THSD4: variants seen among roughly 807,000 people sequenced by gnomAD.
THSD4 encodes thrombospondin type 1 domain containing 4.
Under a neutral mutation model 119.0 loss-of-function variants are expected in THSD4, and 69 were observed. The observed-to-expected ratio is 0.58, with a 90% CI of 0.48 to 0.71. The LOEUF (loss-of-function observed/expected upper bound fraction) is 0.71, where lower values mean the gene tolerates loss of function less well. Among genes scored for constraint, THSD4 ranks in the 30% least tolerant of loss-of-function variants. The pLI, the probability that THSD4 is intolerant of heterozygous loss-of-function variation, is 0.00. For missense variants in THSD4, 1,393 were observed against 1,391.1 expected (o/e 1.00, Z -0.02); for synonymous variants, 524 against 540.4 (o/e 0.97, Z 0.42).
intron 6 of THSD4, among the ~76,000 whole-genome samples, chr15:71,344,474 T>C (rs1161428790): frequency 6.6e-6 from 1 of 152,140 alleles, no homozygotes; most frequent in African/African-American, 2.4e-5. Context: ...TTCCACCTTA[T>C]GGAGCATTGA....
chr15:71,620,623 A>AC (rs2050403641), intron 7 of THSD4, among the ~76,000 whole-genome samples: 1 of 152,148 alleles, frequency 6.6e-6, no homozygotes, highest in African/African-American at 2.4e-5. Context: ...AGCTGAAGCA[A>AC]CCTTATTAAT....
chr15:71,124,563 T>C (rs2040436580), intron 1 of THSD4, among the ~76,000 whole-genome samples: 1 of 152,194 alleles, frequency 6.6e-6, no homozygotes, highest in South Asian at 2.1e-4. Context: ...AATTCACAAG[T>C]TCTGTCAAAA....
chr15:71,584,888 A>G (rs1046584148), intron 7 of THSD4, among the ~76,000 whole-genome samples: 8 of 152,156 alleles, frequency 5.3e-5, no homozygotes, highest in South Asian at 2.1e-4. Flanking sequence ...CATGATTTCC[A>G]TGAGGCTTAC....
chr15:71,327,500 T>C (rs968391072), intron 6 of THSD4, among the ~76,000 whole-genome samples: 1 of 152,188 alleles, frequency 6.6e-6, no homozygotes, highest in Non-Finnish European at 1.5e-5. Context: ...ATGTATAATA[T>C]TTATTTTGTC....
At chr15:71,638,884 A>G (rs2050801579) in intron 7 of THSD4, among the ~76,000 whole-genome samples, 1 of 152,222 alleles carries the variant, frequency 6.6e-6, no homozygotes, top group Admixed American at 6.5e-5. Flanking sequence ...ATAAAGAGTC[A>G]GCAAGGACCC....
At chr15:71,214,155 T>G (rs2140249079) in intron 3 of THSD4, among the ~76,000 whole-genome samples, 2 of 150,232 alleles carry the variant, frequency 1.3e-5, no homozygotes, top group Admixed American at 1.3e-4. Context: ...CAATCAGCAC[T>G]CTGTAAAATG....
intron 7 of THSD4, among the ~76,000 whole-genome samples, chr15:71,604,398 C>T (rs572088052): frequency 3.3e-5 from 5 of 152,286 alleles, no homozygotes; most frequent in African/African-American, 4.8e-5. Flanking sequence ...ACAGTTTTAT[C>T]GTAATCCTTC....
intron 7 of THSD4, among the ~76,000 whole-genome samples, chr15:71,614,394 A>G (rs959589770): frequency 9.2e-5 from 14 of 152,106 alleles, no homozygotes; most frequent in Non-Finnish European, 1.9e-4. Flanking sequence ...CTCCTGACTG[A>G]GAGGATGCTA....
chr15:71,592,577 C>T (rs1227882439), intron 7 of THSD4, among the ~76,000 whole-genome samples: 1 of 151,792 alleles, frequency 6.6e-6, no homozygotes, highest in African/African-American at 2.4e-5. Context: ...ACGTGGTGAT[C>T]GGGTTCCCAG....
intron 3 of THSD4, among the ~76,000 whole-genome samples, chr15:71,200,256 C>T (rs1158060342): frequency 6.6e-6 from 1 of 152,152 alleles, no homozygotes; most frequent in Non-Finnish European, 1.5e-5. Context: ...TCTGCAGCTT[C>T]TCTGACTTTG....
intron 7 of THSD4, among the ~76,000 whole-genome samples, chr15:71,444,137 T>C (rs1026743615): frequency 6.6e-6 from 1 of 152,190 alleles, no homozygotes; most frequent in East Asian, 1.9e-4. Flanking sequence ...AAGTGCTTAA[T>C]AAATGCATGA....
At chr15:71,122,260 C>T (rs573432600) in intron 1 of THSD4, among the ~76,000 whole-genome samples, 1 of 152,208 alleles carries the variant, frequency 6.6e-6, no homozygotes, top group Non-Finnish European at 1.5e-5. Flanking sequence ...TTATTTAATC[C>T]TCTCAACAAC....
intron 7 of THSD4, among the ~76,000 whole-genome samples, chr15:71,459,999 G>A (rs1421458851): frequency 6.6e-6 from 1 of 151,988 alleles, no homozygotes; most frequent in Non-Finnish European, 1.5e-5. Flanking sequence ...TCTACCTCTG[G>A]GCCTGTCTCT....
At chr15:71,548,416 G>A (rs2048873106) in intron 7 of THSD4, among the ~76,000 whole-genome samples, 2 of 152,364 alleles carry the variant, frequency 1.3e-5, no homozygotes, top group Admixed American at 6.5e-5. Context: ...GACCAAGCAG[G>A]CTCTGAAAGC....
Position 71,557,611 on chromosome 15 carries a change from C to T in THSD4, c.1153-102919C>T, listed in dbSNP as rs570947444. Among the ~76,000 whole-genome samples, 4 of 152,120 alleles carry T rather than the reference C, an allele frequency of 2.6e-5. No individual in the cohort carries two copies. The South Asian group carries it at 8.3e-4, about 32-fold the overall frequency. ...CTGGCTAAGCCTGATGTGTTTTTCC[C>T]CCACAGGGAAATTTTAAACCACCAG... On this transcript the variant is annotated intron_variant, in intron 7 of 17. Coordinates refer to ENST00000261862, the MANE Select transcript of THSD4 (RefSeq NM_024817.3).
At position 71,777,459 on chromosome 15, in the gene THSD4, C is replaced by G. The variant is rs566878026; in HGVS notation, c.*85C>G. On this transcript the variant is annotated 3_prime_UTR_variant, in exon 18 of 18. Transcript: ENST00000261862. ...CGCCTGGCTGGCTGCTGCTCCACCA[C>G]GGGCCCCCTGGCCCAGGCGCTGCCA... 2.6e-6 allele frequency: 4 copies of G among 1,516,462 alleles called. No homozygotes were observed. The highest frequency in any genetic ancestry group is 2.4e-5 in the East Asian group (1 of 40,902). The allele number at this position is 1,516,462 out of a possible 1,614,324, so 93.9% of individuals were successfully genotyped here.
intron 6 of THSD4, among the ~76,000 whole-genome samples, chr15:71,367,154 T>A (rs2045975951): frequency 1.3e-5 from 2 of 152,172 alleles, no homozygotes; most frequent in Non-Finnish European, 2.9e-5. Context: ...AACACCCAGT[T>A]ACACAAGGTT....
intron 8 of THSD4, among the ~76,000 whole-genome samples, chr15:71,687,840 T>C (rs2051950311): frequency 1.3e-5 from 2 of 151,790 alleles, no homozygotes; most frequent in Admixed American, 1.3e-4. Context: ...AATGCAAATA[T>C]TTGGAAATTA....
intron 7 of THSD4, chr15:71,547,888 C>T (rs1402863280): frequency 6.5e-6 from 1 of 153,680 alleles, no homozygotes; most frequent in African/African-American, 2.4e-5. Flanking sequence ...TGCTTTTCTT[C>T]CCTGCTTTTG....
Sources: gnomAD v4.1 joint callset for allele counts (sites outside exome capture counted in the v4.1 genomes callset) on GRCh38, gnomAD v4.1.1 for gene constraint, MANE v1.5 for transcripts, NCBI Gene and HGNC (gene_info 2026-07-23, HGNC 2026-07-21) for gene names.